The following IGSF9 variants were observed in gnomAD, a reference collection of about 807,000 sequenced individuals.
IGSF9 encodes the protein protein turtle homolog A.
Under a neutral mutation model 121.7 loss-of-function variants are expected in IGSF9, and 87 were observed. That is an observed-to-expected ratio of 0.71 (90% CI 0.60 to 0.85). The LOEUF (loss-of-function observed/expected upper bound fraction) is 0.85. IGSF9 is among the 40% of genes least tolerant of loss of function. IGSF9 has a pLI of 0.00. For missense variants in IGSF9, 1,462 were observed against 1,565.3 expected, an observed-to-expected ratio of 0.93 and a Z score of 1.11; for synonymous variants, 640 against 648.4, an observed-to-expected ratio of 0.99 and a Z score of 0.20.
intron 18 of IGSF9, 133 bp from the exon 19 acceptor site, chr1:159,929,151 G>A (rs899357734): frequency 2.3e-6 from 3 of 1,322,478 alleles, no homozygotes; most frequent in African/African-American, 1.5e-5. Flanking sequence ...GACCAACAAG[G>A]TGGAGGGGTG....
In IGSF9 at chr1:159,929,928, G is replaced by C. The variant is rs1356401469; in HGVS notation, c.2112C>G (p.Val704=). Reference sequence around the variant, plus strand: ...CGTTGGCCGTGTTGCTGGGGTCGCTGACGAAGCTGCCCGCGAAGGCCACGA... The same window carrying C: ...CGTTGGCCGTGTTGCTGGGGTCGCTCACGAAGCTGCCCGCGAAGGCCACGA... ...FRLVAFAGSF[V]SDPSNTANVS... The change falls in exon 16 of 21, where the codon GTC becomes GTG. Residue 704 remains valine, a synonymous_variant. Coordinates refer to ENST00000368094, the MANE Select transcript of IGSF9 (RefSeq NM_001135050.2). The C allele has an allele frequency of 6.3e-7, 1 of 1,579,100 alleles. No homozygotes were observed. Among genetic ancestry groups the C allele is most frequent in the East Asian group, 2.3e-5 (1 of 42,756 alleles).
chr1:159,931,605 T>C lies in IGSF9; in HGVS notation c.1363-2A>G. 2 of 1,613,620 alleles carry C rather than the reference T, an allele frequency of 1.2e-6. No homozygotes were observed. Among genetic ancestry groups the C allele is most frequent in the Non-Finnish European group, 1.7e-6 (2 of 1,179,920 alleles). On this transcript the variant is annotated splice_acceptor_variant, in intron 11 of 20. Transcript: ENST00000368094. LOFTEE classifies it high-confidence loss of function. This position sits in a 1 kb window ranked among gnomAD's most constrained non-coding sequence, Gnocchi z 4.8. ...CTGGCCTTGCAGCCCCCGGCCCACC[T>C]ACAGAACCACTGGTGAGCCCTGAGG...
chr1:159,930,413 C>T lies in IGSF9; in HGVS notation c.1840G>A (p.Gly614Arg), dbSNP rs959794773. Residue 614 changes from glycine to arginine, a missense_variant, in exon 15 of 21, where the codon GGG becomes AGG. Gly to Arg is a moderately radical substitution (Grantham distance 125, BLOSUM62 -2). Transcript: ENST00000368094. ...GGCGGTATCTCTGTTGGGGGAAGCC[C>T]GGGTGCAGCTGGCGTGGTAGGAAGC... ...EGLPTTPAAP[G>R]LPPTEIPPPL... is the part of the protein sequence containing the mutation. 28 of 1,546,600 alleles carry T rather than the reference C, an allele frequency of 1.8e-5. No homozygotes were observed. The highest frequency in any genetic ancestry group is 1.7e-4 in the Middle Eastern group (1 of 5,736).
chr1:159,932,761 A>G lies in IGSF9; in HGVS notation c.1105-109T>C. 5 of 1,088,234 alleles carry G rather than the reference A, an allele frequency of 4.6e-6. No individual in the cohort carries two copies. Among genetic ancestry groups the G allele is most frequent in the Non-Finnish European group, 6.5e-6 (5 of 774,654 alleles). The allele number at this position is 1,088,234 out of a possible 1,614,324, so 67.4% of individuals were successfully genotyped here. On this transcript the variant is annotated intron_variant, in intron 9 of 20. Transcript: ENST00000368094. The surrounding 1 kb of genome is among the most constrained non-coding windows in gnomAD (Gnocchi z 4.1). ...TGAGAAACCCACAGCTGTGCAGAAG[A>G]CTCCAGCAGCTCCATGTCTAGGCCT...
In IGSF9 at chr1:159,930,406, G is replaced by A. The variant is rs774572392; in HGVS notation, c.1847C>T (p.Pro616Leu). 1.6e-5 allele frequency: 25 copies of A among 1,553,706 alleles called. No individual in the cohort carries two copies. Among genetic ancestry groups the A allele is most frequent in the Non-Finnish European group, 2.2e-5 (25 of 1,149,618 alleles). The change falls in exon 15 of 21, where the codon CCC becomes CTC. Residue 616 changes from proline to leucine, a missense_variant. Physicochemically the swap from Pro to Leu is moderately conservative, Grantham distance 98. Around this residue, in one of 3 missense-constraint regions of IGSF9, gnomAD observed 808 missense variants for 815.2 expected, o/e 0.99. Coordinates refer to ENST00000368094, the MANE Select transcript of IGSF9 (RefSeq NM_001135050.2). ...CAGGGGAGGCGGTATCTCTGTTGGGGGAAGCCCGGGTGCAGCTGGCGTGGT... is the reference window on the plus strand; with the variant it reads ...CAGGGGAGGCGGTATCTCTGTTGGGAGAAGCCCGGGTGCAGCTGGCGTGGT... ...LPTTPAAPGLPPTEIPPPLSP... is the reference protein window; with the variant it reads ...LPTTPAAPGLLPTEIPPPLSP...
In IGSF9 at chr1:159,931,100, A is replaced by G; in HGVS notation, c.1637+38T>C. On this transcript the variant is annotated intron_variant, in intron 13 of 20. Transcript: ENST00000368094. This position sits in a 1 kb window ranked among gnomAD's most constrained non-coding sequence, Gnocchi z 4.8. ...TTCAAGGAGGAGAGGAAAGGAGGCAAGATTGGCACAGAGAAATGGCAGGAG... is the reference window on the plus strand; with the variant it reads ...TTCAAGGAGGAGAGGAAAGGAGGCAGGATTGGCACAGAGAAATGGCAGGAG... 5 of 1,613,830 alleles carry G rather than the reference A, an allele frequency of 3.1e-6. No individual in the cohort carries two copies. Among genetic ancestry groups the G allele is most frequent in the Non-Finnish European group, 4.2e-6 (5 of 1,179,836 alleles).
chr1:159,935,334 A>G (rs1017992438), intron 6 of IGSF9, among the ~76,000 whole-genome samples: 1 of 151,984 alleles, frequency 6.6e-6, no homozygotes, highest in Non-Finnish European at 1.5e-5. Context: ...CTCCTACTAC[A>G]CTAAGCTCAA....
At chr1:159,928,126 C>T (rs775045911) in intron 19 of IGSF9, 32 bp downstream of exon 19, 14 of 1,593,290 alleles carry the variant, frequency 8.8e-6, no homozygotes, top group African/African-American at 1.3e-5. Context: ...GGGACTGAGG[C>T]GGAGGCAGGG....
intron 6 of IGSF9, among the ~76,000 whole-genome samples, 168 bp downstream of exon 6, chr1:159,936,231 A>G (rs924340731): frequency 6.6e-6 from 1 of 152,230 alleles, no homozygotes; most frequent in South Asian, 2.1e-4. Context: ...TTTAAAATTA[A>G]GGTGCTGGTT....
chr1:159,944,300 T>C (rs1484032478), intron 1 of IGSF9, among the ~76,000 whole-genome samples: 1 of 152,158 alleles, frequency 6.6e-6, no homozygotes, highest in Non-Finnish European at 1.5e-5. Context: ...CCTACACTGC[T>C]TTGGCAGTGA....
chr1:159,937,571 C>T (rs1651236097), intron 4 of IGSF9, 115 bp downstream of exon 4: 2 of 1,192,632 alleles, frequency 1.7e-6, no homozygotes, highest in Non-Finnish European at 2.4e-6. Flanking sequence ...GGTGGGGCAT[C>T]AGAGCTGTTT....
chr1:159,931,859 G>A lies in IGSF9; in HGVS notation c.1315C>T (p.Pro439Ser). 3 of 1,596,828 alleles carry A rather than the reference G, an allele frequency of 1.9e-6. No homozygotes were observed. Among genetic ancestry groups the A allele is most frequent in the South Asian group, 2.3e-5 (2 of 88,450 alleles). The change falls in exon 11 of 21, where the codon CCC (proline) becomes TCC (serine). Residue 439 changes from proline to serine, a missense_variant. Transcript: ENST00000368094. The surrounding 1 kb of genome is among the most constrained non-coding windows in gnomAD (Gnocchi z 4.8). ...GGAGGGTCCCCTTGGGCGGAGCAGGGGATGAGCAGCTCCCGCCCTACTTCT... is the reference window on the plus strand; with the variant it reads ...GGAGGGTCCCCTTGGGCGGAGCAGGAGATGAGCAGCTCCCGCCCTACTTCT... ...FQEVGRELLI[P>S]CSAQGDPPPV...
Position 159,928,800 on chromosome 1 carries a change from TG to T in IGSF9, c.2587del (p.Gln863ArgfsTer65), listed in dbSNP as rs1228987905. 6.7e-7 allele frequency: 1 copy of T among 1,492,318 alleles called. No homozygotes were observed. Among genetic ancestry groups the T allele is most frequent in the Non-Finnish European group, 8.9e-7 (1 of 1,119,538 alleles). 92.4% of individuals were successfully genotyped at this position (1,492,318 alleles called of 1,614,324 possible). On this transcript the variant is annotated frameshift_variant, in exon 19 of 21. Transcript: ENST00000368094. LOFTEE classifies it high-confidence loss of function. ...FVMGPTVAAP[Q>X]ERSGREQAEP... ...TGCCTGCTCCCGGCCTGACCTTTCC[TG>T]GGGGGCCGCCACAGTGGGCCCCATC...
Position 159,937,728 on chromosome 1 carries a change from C to T in IGSF9, c.358G>A (p.Asp120Asn), listed in dbSNP as rs756113829. ...ACCCAGGAGCCGTTAGCAAAATCGTCTTCAGGGATGTGCTGGTCCAGGAAG... is the reference window on the plus strand; with the variant it reads ...ACCCAGGAGCCGTTAGCAAAATCGTTTTCAGGGATGTGCTGGTCCAGGAAG... ...VFFLDQHIPE[D>N]DFANGSWVHL... Residue 120 changes from aspartate (D) to asparagine (N), a missense_variant, in exon 4 of 21, where the codon GAC becomes AAC. Physicochemically the swap from Asp to Asn is conservative, Grantham distance 23. Transcript: ENST00000368094. 6.2e-7 allele frequency: 1 copy of T among 1,614,040 alleles called. No individual in the cohort carries two copies. Among genetic ancestry groups the T allele is most frequent in the Non-Finnish European group, 8.5e-7 (1 of 1,179,938 alleles).
At chr1:159,930,966 A>T in intron 13 of IGSF9, 99 bp from the exon 14 acceptor site, 2 of 1,433,220 alleles carry the variant, frequency 1.4e-6, no homozygotes, top group Non-Finnish European at 1.9e-6. Flanking sequence ...TCAACCATCC[A>T]AGGTCTCAGG....
At chr1:159,942,272 G>A (rs773229794) in intron 3 of IGSF9, among the ~76,000 whole-genome samples, 20 of 152,178 alleles carry the variant, frequency 1.3e-4, no homozygotes, top group Non-Finnish European at 2.5e-4. Flanking sequence ...AGGCGCCCAG[G>A]GAGGCTACAC....
chr1:159,928,355 G>T lies in IGSF9; in HGVS notation c.3033C>A (p.Gly1011=). The T allele has an allele frequency of 1.9e-6, 3 of 1,609,546 alleles. No individual in the cohort carries two copies. Among genetic ancestry groups the T allele is most frequent in the Non-Finnish European group, 1.7e-6 (2 of 1,178,140 alleles). ...TGCCTCGAGGGGCAGCAGGGAGAAGGCCTGGCAGCAGCCGCTCCCTCAGTG... is the reference window on the plus strand; with the variant it reads ...TGCCTCGAGGGGCAGCAGGGAGAAGTCCTGGCAGCAGCCGCTCCCTCAGTG... ...DWTLRERLLP[G]LLPAAPRGSL... Residue 1011 remains glycine, a synonymous_variant, in exon 19 of 21, where the codon GGC becomes GGA. Transcript: ENST00000368094.
At chr1:159,933,071 T>G in intron 9 of IGSF9, 2 of 158,246 alleles carry the variant, frequency 1.3e-5, no homozygotes, top group Non-Finnish European at 2.8e-5. Flanking sequence ...CCTCCTCACG[T>G]TCCCTCACTC....
chr1:159,930,759 G>T lies in IGSF9; in HGVS notation c.1746C>A (p.Phe582Leu). The T allele has an allele frequency of 6.2e-7, 1 of 1,614,170 alleles. No homozygotes were observed. Among genetic ancestry groups the T allele is most frequent in the Non-Finnish European group, 8.5e-7 (1 of 1,180,010 alleles). The change falls in exon 14 of 21, where the codon TTC becomes TTA. Residue 582 changes from phenylalanine to leucine, a missense_variant. By Grantham distance (22) the Phe-to-Leu change is conservative. Around this residue, in one of 3 missense-constraint regions of IGSF9, gnomAD observed 808 missense variants for 815.2 expected, o/e 0.99. Transcript: ENST00000368094. ...CCAGCTTGTTCTGAGCTAGCACGCT[G>T]AACTGGTACTGGGTGTGGGGCTGCA... is the stretch of plus-strand genomic sequence containing the variant. ...PGLQPHTQYQ[F>L]SVLAQNKLGS...
Sources: allele counts gnomAD v4.1 joint callset (sites outside exome capture counted in the v4.1 genomes callset), GRCh38; gene constraint gnomAD v4.1.1; regional missense constraint gnomAD v4.1.1; non-coding constraint Gnocchi (gnomAD v3.1); transcripts MANE v1.5; gene names NCBI Gene and HGNC (gene_info 2026-07-23, HGNC 2026-07-21).